Variants in CADM2 observed in about 807,000 individuals in gnomAD.
CADM2 encodes immunoglobulin superfamily member 4D.
A neutral mutation model predicts 49.8 loss-of-function variants in CADM2; 12 were observed. The ratio of observed to expected loss-of-function variants is 0.24; its 90% confidence interval spans 0.15 to 0.39. The LOEUF (loss-of-function observed/expected upper bound fraction) is 0.39, where lower values mean the gene tolerates loss of function less well. CADM2 is among the 10% of genes least tolerant of loss of function. The probability of loss-of-function intolerance (pLI) is 1.00; values close to 1 mark genes in which losing one functional copy is unlikely to be tolerated. For missense variants in CADM2, 378 were observed against 492.3 expected, an observed-to-expected ratio of 0.77 and a Z score of 2.20; for synonymous variants, 214 against 175.4, an observed-to-expected ratio of 1.22 and a Z score of -1.74.
chr3:85,607,984 T>G (rs1423411771), intron 1 of CADM2, among the ~76,000 whole-genome samples: 1 of 152,016 alleles, frequency 6.6e-6, no homozygotes, highest in African/African-American at 2.4e-5. Flanking sequence ...AAATATACAT[T>G]TATTAGAAAC....
At chr3:85,772,635 C>CT (rs34878628) in intron 2 of CADM2, among the ~76,000 whole-genome samples, 1 of 152,046 alleles carries the variant, frequency 6.6e-6, no homozygotes, top group African/African-American at 2.4e-5. Flanking sequence ...TAACCTCCCT[C>CT]TTTTTCAGCA....
chr3:86,058,620 A>G (rs1738263542), intron 8 of CADM2, among the ~76,000 whole-genome samples: 1 of 152,036 alleles, frequency 6.6e-6, no homozygotes, highest in Non-Finnish European at 1.5e-5. Flanking sequence ...GACTTTGAAA[A>G]CATATTTATT....
At chr3:85,468,125 G>T (rs1268955682) in intron 1 of CADM2, among the ~76,000 whole-genome samples, 4 of 121,176 alleles carry the variant, frequency 3.3e-5, no homozygotes, top group Non-Finnish European at 6.4e-5. Context: ...CTGCACTCCA[G>T]CCTGGGCGAC....
intron 1 of CADM2, among the ~76,000 whole-genome samples, chr3:85,292,405 C>A (rs1215157050): frequency 6.6e-6 from 1 of 150,656 alleles, no homozygotes; most frequent in Non-Finnish European, 1.5e-5. Flanking sequence ...ACAAGGATAC[C>A]CAGGAATTGA....
At chr3:85,255,260 G>T (rs1446556072) in intron 1 of CADM2, among the ~76,000 whole-genome samples, 2 of 151,924 alleles carry the variant, frequency 1.3e-5, no homozygotes, top group South Asian at 2.1e-4. Flanking sequence ...GTGTCAAATT[G>T]CCTGGGTCCA....
intron 1 of CADM2, among the ~76,000 whole-genome samples, chr3:85,393,551 G>A (rs1050822451): frequency 6.6e-6 from 1 of 152,146 alleles, no homozygotes; most frequent in Non-Finnish European, 1.5e-5. Context: ...GATTCCAGAA[G>A]TTGTATACAG....
intron 1 of CADM2, among the ~76,000 whole-genome samples, chr3:85,417,148 T>C (rs960027011): frequency 2.6e-5 from 4 of 152,060 alleles, no homozygotes; most frequent in Non-Finnish European, 5.9e-5. Flanking sequence ...AAGCTTTGGG[T>C]TTTAAATTTT....
intron 1 of CADM2, among the ~76,000 whole-genome samples, chr3:85,195,540 A>AAGAC (rs1169637272): frequency 9.1e-6 from 1 of 110,386 alleles, no homozygotes; most frequent in East Asian, 2.5e-4. Flanking sequence ...GAAAACCAGC[A>AAGAC]AGACACACAC....
At chr3:85,764,009 A>C (rs76570294) in intron 2 of CADM2, among the ~76,000 whole-genome samples, 1 of 152,156 alleles carries the variant, frequency 6.6e-6, no homozygotes, top group Non-Finnish European at 1.5e-5. Flanking sequence ...ACGATTTTAT[A>C]ATTTATAAAA....
chr3:86,064,142 G>A (rs1401604929), intron 8 of CADM2, among the ~76,000 whole-genome samples: 2 of 151,558 alleles, frequency 1.3e-5, no homozygotes, highest in South Asian at 2.1e-4. Flanking sequence ...TGCCATGTTC[G>A]TGTGCTGCCC....
intron 1 of CADM2, among the ~76,000 whole-genome samples, chr3:85,518,221 C>G (rs1240449312): frequency 6.6e-6 from 1 of 152,126 alleles, no homozygotes; most frequent in African/African-American, 2.4e-5. Context: ...AAACTCTTGG[C>G]TTCTAGGGAT....
intron 1 of CADM2, among the ~76,000 whole-genome samples, chr3:84,991,575 T>C (rs2032890983): frequency 6.6e-6 from 1 of 152,188 alleles, no homozygotes; most frequent in Non-Finnish European, 1.5e-5. Context: ...CCAAATGCTG[T>C]TGGAATGTAA....
chr3:84,959,489 G>A lies in CADM2; in HGVS notation c.-119G>A, dbSNP rs2030228197. On this transcript the variant is annotated 5_prime_UTR_variant, in exon 1 of 10. Transcript: ENST00000383699. ...CGGGTTCGAACACCGCAGCGGTGGG[G>A]ACGGTGGGTCCGGCGGGCGCCGGGA... The A allele has an allele frequency of 1.0e-6, 1 of 974,018 alleles. No homozygotes were observed. Among genetic ancestry groups the A allele is most frequent in the Non-Finnish European group, 1.5e-6 (1 of 652,792 alleles). The allele number at this position is 974,018 out of a possible 1,614,324, so 60.3% of individuals were successfully genotyped here.
chr3:85,659,454 C>T (rs1241426825), intron 1 of CADM2, among the ~76,000 whole-genome samples: 2 of 150,650 alleles, frequency 1.3e-5, no homozygotes, highest in Admixed American at 6.6e-5. Flanking sequence ...GTTAATCTAA[C>T]TAAAAGGAAA....
At chr3:85,350,252 A>T (rs2107233691) in intron 1 of CADM2, among the ~76,000 whole-genome samples, 1 of 152,304 alleles carries the variant, frequency 6.6e-6, no homozygotes, top group Non-Finnish European at 1.5e-5. Context: ...TTTTTTTCAT[A>T]TCCAAAGCGA....
chr3:85,349,518 A>C (rs570879302), intron 1 of CADM2, among the ~76,000 whole-genome samples: 21 of 152,172 alleles, frequency 1.4e-4, no homozygotes, highest in Admixed American at 3.3e-4. Flanking sequence ...AACAATTTTT[A>C]CTTTCATTTG....
At chr3:85,051,058 T>C (rs2035864451) in intron 1 of CADM2, among the ~76,000 whole-genome samples, 1 of 152,172 alleles carries the variant, frequency 6.6e-6, no homozygotes, top group Non-Finnish European at 1.5e-5. Flanking sequence ...TTCCAAAGCT[T>C]ATGTGGAGAC....
chr3:85,035,103 T>C (rs1297067992), intron 1 of CADM2, among the ~76,000 whole-genome samples: 2 of 152,116 alleles, frequency 1.3e-5, no homozygotes, highest in African/African-American at 4.8e-5. Context: ...GCCTGGCTGA[T>C]AAAAGCCATT....
intron 8 of CADM2, among the ~76,000 whole-genome samples, chr3:85,980,214 T>A (rs1727306209): frequency 6.6e-6 from 1 of 151,542 alleles, no homozygotes; most frequent in Admixed American, 6.6e-5. Flanking sequence ...CAATTTAACT[T>A]GAAATTAATG....
Sources: gnomAD v4.1 joint callset for allele counts (sites outside exome capture counted in the v4.1 genomes callset) on GRCh38, gnomAD v4.1.1 for gene constraint, MANE v1.5 for transcripts, NCBI Gene and HGNC (gene_info 2026-07-23, HGNC 2026-07-21) for gene names.